The following GLB1 variants were observed in gnomAD, a reference collection of about 807,000 sequenced individuals.
GLB1 encodes the protein galactosidase beta 1.
In GLB1, 56 loss-of-function variants were observed where a neutral mutation model predicts 74.0. The ratio of observed to expected loss-of-function variants is 0.76; its 90% CI spans 0.61 to 0.94. GLB1 has a LOEUF of 0.94. GLB1 is among the 40% of genes least tolerant of loss of function. The pLI is 0.00. For synonymous variants in GLB1, 323 were observed against 323.6 expected (o/e 1.00, Z 0.02); for missense variants, 787 against 845.5 (o/e 0.93, Z 0.86).
Position 32,997,028 on chromosome 3 carries a change from G to A in GLB1, c.*17C>T. Reference sequence around the variant, plus strand: ...TATGTTCAGGGTAGAATCCCTCAAAGACACAGGCTTTCATCATCATACATG... The same window carrying A: ...TATGTTCAGGGTAGAATCCCTCAAAAACACAGGCTTTCATCATCATACATG... On this transcript the variant is annotated 3_prime_UTR_variant, in exon 16 of 16. Transcript: ENST00000307363. The A allele has an allele frequency of 6.2e-7, 1 of 1,614,080 alleles. No individual in the cohort carries two copies. The highest frequency in any genetic ancestry group is 8.5e-7 in the Non-Finnish European group (1 of 1,180,018).
intron 15 of GLB1, among the ~76,000 whole-genome samples, chr3:33,009,558 AG>A (rs1296030284): frequency 6.6e-6 from 1 of 152,198 alleles, no homozygotes; most frequent in Non-Finnish European, 1.5e-5. Context: ...CAAGGTTGGT[AG>A]GCATGAGAGT....
rs1699927837 is a variant in GLB1 at position 33,072,669 on chromosome 3, G to A, written c.120C>T (p.Ser40=). The A allele has an allele frequency of 6.2e-7, 1 of 1,614,178 alleles. No homozygotes were observed. Among genetic ancestry groups the A allele is most frequent in the South Asian group, 1.1e-5 (1 of 91,068 alleles). ...GAAATGGCTGGCCATCCTTGAGGAA[G>A]GAGTCCCGGCTATAGTCAATTTCAA... ...RMFEIDYSRD[S]FLKDGQPFRY... Residue 40 remains serine (S), a synonymous_variant, in exon 2 of 16, where the codon TCC becomes TCT. Transcript: ENST00000307363.
chr3:32,990,740 G>A, the GLB1 span, among the ~76,000 whole-genome samples: 1 of 152,154 alleles, frequency 6.6e-6, no homozygotes, highest in Non-Finnish European at 1.5e-5. Context: ...TTGGAAGGCC[G>A]AGGCGGGCAG....
intron 10 of GLB1, among the ~76,000 whole-genome samples, chr3:33,040,245 A>G (rs1005056974): frequency 1.3e-5 from 2 of 152,216 alleles, no homozygotes; most frequent in African/African-American, 2.4e-5. Context: ...CTTCTGTAGT[A>G]CAAAAAAAAT....
chr3:33,045,961 C>T (rs553829544), intron 10 of GLB1, among the ~76,000 whole-genome samples, 159 bp downstream of exon 10: 14 of 152,290 alleles, frequency 9.2e-5, no homozygotes, highest in African/African-American at 3.1e-4. Flanking sequence ...CTCTTAACCA[C>T]GTGGGTACAA....
chr3:33,028,893 C>G (rs1173585455), intron 10 of GLB1, among the ~76,000 whole-genome samples: 1 of 152,086 alleles, frequency 6.6e-6, no homozygotes, highest in Non-Finnish European at 1.5e-5. Flanking sequence ...TCTCAAACTC[C>G]TGACCTCAGG....
chr3:33,077,451 C>A, intron 1 of GLB1: 4 of 825,236 alleles, frequency 4.8e-6, no homozygotes, highest in Non-Finnish European at 7.8e-6. Context: ...GATGAAGATA[C>A]AACCGATATG....
the GLB1 span, among the ~76,000 whole-genome samples, chr3:32,977,208 AT>A: frequency 1.2e-3 from 175 of 140,064 alleles, no homozygotes; most frequent in Middle Eastern, 7.4e-3. Flanking sequence ...CCTCATCTAG[AT>A]TTTTTTTTTT....
the GLB1 span, among the ~76,000 whole-genome samples, chr3:32,978,765 C>CTTTTTT: frequency 5.2e-4 from 65 of 126,014 alleles, no homozygotes; most frequent in Non-Finnish European, 8.4e-4. Context: ...TTCTTTCTTT[C>CTTTTTT]TTTTTTTTTT....
chr3:33,032,995 G>C (rs983181432), intron 10 of GLB1, among the ~76,000 whole-genome samples: 1 of 152,130 alleles, frequency 6.6e-6, no homozygotes, highest in African/African-American at 2.4e-5. Context: ...AGGCATTTTG[G>C]GGACCCAAGT....
chr3:33,091,049 A>G (rs1173931899), intron 1 of GLB1: 5 of 985,360 alleles, frequency 5.1e-6, no homozygotes, highest in Non-Finnish European at 6.0e-6. Flanking sequence ...TACCAGCCGC[A>G]TCAAACAGTG....
rs548869924 is a variant in GLB1 at position 33,042,557 on chromosome 3, C to T, written c.1068+3563G>A. The stretch of plus-strand genomic sequence containing the variant: ...TAATTTTTTGTCTTTTTAGTAGAGA[C>T]GGGGTTTCACTGTGTTAGCCAGGAT... On this transcript the variant is annotated intron_variant, in intron 10 of 15. Coordinates refer to ENST00000307363, the MANE Select transcript of GLB1 (RefSeq NM_000404.4). Among the ~76,000 whole-genome samples, 10 of 151,944 alleles carry T rather than the reference C, an allele frequency of 6.6e-5. No homozygotes were observed. The East Asian group carries it at 1.2e-3, about 18-fold the overall frequency.
chr3:33,093,903 G>C lies in GLB1; in HGVS notation c.75+3108C>G. 6.2e-7 allele frequency: 1 copy of C among 1,614,016 alleles called. No homozygotes were observed. The highest frequency in any genetic ancestry group is 2.2e-5 in the East Asian group (1 of 44,884). ...TAAAAAGAACATGGTAAAGAAACTG[G>C]AATGGGCCAGGGCCAGAAATGCCAG... On this transcript the variant is annotated intron_variant, in intron 1 of 15. Coordinates refer to ENST00000307363, the MANE Select transcript of GLB1 (RefSeq NM_000404.4). The surrounding 1 kb of genome is among the most constrained non-coding windows in gnomAD (Gnocchi z 6.0).
At chr3:32,971,745 G>A in the GLB1 span, among the ~76,000 whole-genome samples, 1 of 152,198 alleles carries the variant, frequency 6.6e-6, no homozygotes, top group East Asian at 1.9e-4. Context: ...GAAACGCCCA[G>A]AACGACTCCT....
Position 32,996,871 on chromosome 3 carries a change from G to A in GLB1, c.*174C>T, listed in dbSNP as rs1240076764. 1 of 1,134,428 alleles carries A rather than the reference G, an allele frequency of 8.8e-7. No individual in the cohort carries two copies. The highest frequency in any genetic ancestry group is 1.3e-6 in the Non-Finnish European group (1 of 795,688). 70.3% of individuals were successfully genotyped at this position (1,134,428 alleles called of 1,614,324 possible). ...TGTCAGCCCCTCACACATTCCAGGT[G>A]GTCCCTGAAGGTGGGGCTTTGGCAC... On this transcript the variant is annotated 3_prime_UTR_variant, in exon 16 of 16. Transcript: ENST00000307363.
chr3:33,046,785 G>A (rs1406091027), intron 9 of GLB1, among the ~76,000 whole-genome samples: 2 of 152,170 alleles, frequency 1.3e-5, no homozygotes, highest in Admixed American at 6.5e-5. Flanking sequence ...AACATAATCC[G>A]AGGGCCTTTG....
chr3:33,053,687 G>GGTGTT, intron 6 of GLB1, 138 bp from the exon 7 acceptor site: 2 of 1,146,070 alleles, frequency 1.7e-6, no homozygotes, highest in Non-Finnish European at 2.5e-6. Context: ...TCTCATGTTG[G>GGTGTT]AACTTAACAC....
chr3:33,028,910 G>A (rs150758579), intron 10 of GLB1, among the ~76,000 whole-genome samples: 3,359 of 152,054 alleles, frequency 0.022, 125 homozygotes, highest in African/African-American at 0.075. Context: ...CAGGTGATCC[G>A]CCCGCCTCGG....
intron 3 of GLB1, among the ~76,000 whole-genome samples, chr3:33,068,585 T>G (rs1368322568): frequency 1.3e-5 from 2 of 152,172 alleles, no homozygotes; most frequent in Non-Finnish European, 2.9e-5. Context: ...CATTAACTGC[T>G]TCTTACAGAT....
Sources: gnomAD v4.1 joint callset for allele counts (sites outside exome capture counted in the v4.1 genomes callset) on GRCh38, gnomAD v4.1.1 for gene constraint, Gnocchi (gnomAD v3.1) non-coding constraint, MANE v1.5 for transcripts, NCBI Gene and HGNC (gene_info 2026-07-23, HGNC 2026-07-21) for gene names.